Variants in PYGL observed in about 807,000 individuals in gnomAD.
The protein encoded by PYGL is glycogen phosphorylase L.
PYGL carries 90 observed loss-of-function variants against 100.1 expected under a neutral mutation model. That is an observed-to-expected ratio of 0.90 (90% CI 0.76 to 1.07). The LOEUF is 1.07. PYGL is among the 50% of genes least tolerant of loss of function. PYGL has a pLI of 0.00. For missense variants in PYGL, 1,016 were observed against 1,057.6 expected, an observed-to-expected ratio of 0.96 and a Z score of 0.55; for synonymous variants, 373 against 393.0, an observed-to-expected ratio of 0.95 and a Z score of 0.60.
rs1299767287 is a variant in PYGL at position 50,944,392 on chromosome 14, G to C, written c.12C>G (p.Pro4=). The C allele has an allele frequency of 3.7e-6, 6 of 1,611,926 alleles. No individual in the cohort carries two copies. The highest frequency in any genetic ancestry group is 5.1e-6 in the Non-Finnish European group (6 of 1,179,400). Reference sequence around the variant, plus strand: ...GCCGCCGCTTCTCCTGGTCCGTCAGGGGCTTCGCCATGGCTGGGGCGGCGG... The same window carrying C: ...GCCGCCGCTTCTCCTGGTCCGTCAGCGGCTTCGCCATGGCTGGGGCGGCGG... MAK[P]LTDQEKRRQI... The change falls in exon 1 of 20, where the codon CCC becomes CCG. Residue 4 remains proline, a synonymous_variant. Transcript: ENST00000216392.
chr14:50,936,112 CA>C (rs1322545073), intron 2 of PYGL, among the ~76,000 whole-genome samples: 1 of 152,184 alleles, frequency 6.6e-6, no homozygotes, highest in Admixed American at 6.5e-5. Context: ...AATTGTTGGT[CA>C]GGCAAATGAC....
chr14:50,911,644 C>G (rs1473831404), intron 16 of PYGL, 86 bp downstream of exon 16: 21 of 1,530,828 alleles, frequency 1.4e-5, no homozygotes, highest in Non-Finnish European at 1.8e-5. Flanking sequence ...GTTACTAGCT[C>G]CTGGAGGTTG....
intron 1 of PYGL, among the ~76,000 whole-genome samples, chr14:50,939,357 A>T (rs2050685043): frequency 6.6e-6 from 1 of 152,106 alleles, no homozygotes; most frequent in African/African-American, 2.4e-5. Context: ...TTAGAATCAA[A>T]TTTTTCTATA....
At chr14:50,919,875 G>A (rs1457880884) in intron 7 of PYGL, among the ~76,000 whole-genome samples, 1 of 152,054 alleles carries the variant, frequency 6.6e-6, no homozygotes, top group African/African-American at 2.4e-5. Flanking sequence ...GTAGGGACAG[G>A]GTTTCGTCAT....
At chr14:50,920,191 C>G (rs1203874974) in intron 7 of PYGL, among the ~76,000 whole-genome samples, 2 of 152,150 alleles carry the variant, frequency 1.3e-5, no homozygotes, top group African/African-American at 4.8e-5. Context: ...TATTCAGTGA[C>G]TTCTGACTTT....
Position 50,931,707 on chromosome 14 carries a change from C to T in PYGL, c.494G>A (p.Gly165Glu). The change falls in exon 4 of 20, where the codon GGG becomes GAG. Residue 165 changes from glycine to glutamate, a missense_variant. By Grantham distance (98) the Gly-to-Glu change is moderately conservative (BLOSUM62 -2). Transcript: ENST00000216392. The part of the protein sequence containing the change: ...AYGYGIRYEY[G>E]IFNQKIRDGW... Reference sequence around the variant, plus strand: ...ATCTCGGATCTTCTGATTGAAAATCCCATATTCATACCGAATGCCGTATCC... The same window carrying T: ...ATCTCGGATCTTCTGATTGAAAATCTCATATTCATACCGAATGCCGTATCC... The T allele has an allele frequency of 1.2e-6, 2 of 1,613,898 alleles. No individual in the cohort carries two copies. Among genetic ancestry groups the T allele is most frequent in the Non-Finnish European group, 1.7e-6 (2 of 1,179,896 alleles).
chr14:50,912,632 G>A (rs78387705), intron 13 of PYGL, among the ~76,000 whole-genome samples: 2,980 of 152,194 alleles, frequency 0.02, 32 homozygotes, highest in African/African-American at 0.029. Context: ...ATGAGCCACC[G>A]CGCCCGGCTG....
At chr14:50,920,930 G>C in intron 6 of PYGL, 26 bp downstream of exon 6, 1 of 1,580,982 alleles carries the variant, frequency 6.3e-7, no homozygotes, top group Non-Finnish European at 8.7e-7. Flanking sequence ...CACGCATAAA[G>C]AAACCAAGGC....
Position 50,911,700 on chromosome 14 carries a change from C to T in PYGL, c.1969+30G>A, listed in dbSNP as rs201197640. 3.0e-4 allele frequency: 488 copies of T among 1,613,196 alleles called. 2 individuals are homozygous for T. Among genetic ancestry groups the T allele is most frequent in the Non-Finnish European group, 3.2e-4 (382 of 1,179,334 alleles). On this transcript the variant is annotated intron_variant, in intron 16 of 19. Coordinates refer to ENST00000216392, the MANE Select transcript of PYGL (RefSeq NM_002863.5). The stretch of plus-strand genomic sequence containing the variant: ...ATGTAATCTCTAGAGTTTGCCCTGG[C>T]CCCTGCATATTTTGCAATGAGGGTA...
Position 50,928,694 on chromosome 14 carries a change from A to C in PYGL, c.528+2979T>G, listed in dbSNP as rs546044746. Among the ~76,000 whole-genome samples the C allele has an allele frequency of 2.2e-3, 328 of 152,228 alleles. 1 individual carries two copies. Among genetic ancestry groups the C allele is most frequent in the African/African-American group, 7.7e-3 (318 of 41,534 alleles). On this transcript the variant is annotated intron_variant, in intron 4 of 19. Coordinates refer to ENST00000216392, the MANE Select transcript of PYGL (RefSeq NM_002863.5). Reference sequence around the variant, plus strand: ...ACGCCTGCAAATCTTCCTTGAAGAGACTCAAAAATTAAAAGCCCATCAACC... The same window carrying C: ...ACGCCTGCAAATCTTCCTTGAAGAGCCTCAAAAATTAAAAGCCCATCAACC...
intron 11 of PYGL, chr14:50,915,117 T>G: frequency 1.5e-6 from 1 of 663,418 alleles, no homozygotes; most frequent in Non-Finnish European, 2.5e-6. Flanking sequence ...TTGTTTTGGC[T>G]CCTATGTCTA....
At chr14:50,933,151 A>G (rs1015990448) in intron 3 of PYGL, among the ~76,000 whole-genome samples, 2 of 152,210 alleles carry the variant, frequency 1.3e-5, no homozygotes, top group African/African-American at 4.8e-5. Flanking sequence ...CATGAATGTC[A>G]GACACAGAGT....
intron 5 of PYGL, chr14:50,921,612 C>A (rs2050503588): frequency 6.5e-6 from 1 of 153,476 alleles, no homozygotes; most frequent in Admixed American, 6.4e-5. Context: ...GATCTCCTGA[C>A]CTCGTGATCC....
chr14:50,912,134 G>T, intron 14 of PYGL, 22 bp downstream of exon 14: 1 of 1,614,214 alleles, frequency 6.2e-7, no homozygotes, highest in Non-Finnish European at 8.5e-7. Flanking sequence ...AAGGGGGCTT[G>T]TTGGCTACAG....
rs540020530 is a variant in PYGL at position 50,935,177 on chromosome 14, C to T, written c.354G>A (p.Leu118=). 1.2e-6 allele frequency: 2 copies of T among 1,611,248 alleles called. No homozygotes were observed. Among genetic ancestry groups the T allele is most frequent in the Non-Finnish European group, 1.7e-6 (2 of 1,177,408 alleles). ...ACDEAIYQLG[L]DIEELEEIEE... ...CAATTTCTTCTAACTCTTCTATATCCAATCCAAGCTGGTAATGAAAGGAAA... is the reference window on the plus strand; with the variant it reads ...CAATTTCTTCTAACTCTTCTATATCTAATCCAAGCTGGTAATGAAAGGAAA... The change falls in exon 3 of 20, where the codon TTG becomes TTA. Residue 118 remains leucine, a synonymous_variant. Coordinates refer to ENST00000216392, the MANE Select transcript of PYGL (RefSeq NM_002863.5).
rs2275466 is a variant in PYGL, at chr14:50,905,597, C to T, written c.2380-41G>A. ...GCATATACAGCCCAGAGTCCCAGTG[C>T]GCAGTGAGCTTTATAATAAACATCA... On this transcript the variant is annotated intron_variant, in intron 19 of 19. Transcript: ENST00000216392. 38,845 of 1,595,938 alleles carry T rather than the reference C, an allele frequency of 0.024. 695 individuals carry two copies. The highest frequency in any genetic ancestry group is 0.076 in the East Asian group (3,396 of 44,766).
chr14:50,938,715 T>C (rs2050677726), intron 1 of PYGL, among the ~76,000 whole-genome samples: 1 of 152,206 alleles, frequency 6.6e-6, no homozygotes, highest in Non-Finnish European at 1.5e-5. Flanking sequence ...AGTAATTCAG[T>C]ATTTTTTACC....
chr14:50,909,562 T>A (rs1167868207), intron 17 of PYGL, among the ~76,000 whole-genome samples: 1 of 152,054 alleles, frequency 6.6e-6, no homozygotes, highest in Admixed American at 6.6e-5. Flanking sequence ...TGATTTAAAT[T>A]ATAGGCAACC....
At chr14:50,913,666 A>G (rs1047836447) in intron 12 of PYGL, among the ~76,000 whole-genome samples, 3 of 151,742 alleles carry the variant, frequency 2.0e-5, no homozygotes, top group South Asian at 4.2e-4. Flanking sequence ...GAGCCACTGC[A>G]CCCGGCCTAA....
Sources: gnomAD v4.1 joint callset for allele counts (sites outside exome capture counted in the v4.1 genomes callset) on GRCh38, gnomAD v4.1.1 for gene constraint, MANE v1.5 for transcripts, NCBI Gene and HGNC (gene_info 2026-07-23, HGNC 2026-07-21) for gene names.